Variants in ZMAT4 observed in about 807,000 individuals in gnomAD.
ZMAT4 encodes zinc finger matrin-type 4.
A neutral mutation model predicts 28.7 loss-of-function variants in ZMAT4; 17 were observed. That is an observed-to-expected ratio of 0.59 (90% CI 0.41 to 0.89). The LOEUF (loss-of-function observed/expected upper bound fraction) is 0.89, where lower values mean the gene tolerates loss of function less well. Ranked by LOEUF, ZMAT4 falls within the 40% of genes least tolerant of loss-of-function variation. The pLI, the probability that ZMAT4 is intolerant of heterozygous loss-of-function variation, is 0.00. For synonymous variants in ZMAT4, 117 were observed against 109.2 expected, an observed-to-expected ratio of 1.07 and a Z score of -0.44; for missense variants, 240 against 283.8, an observed-to-expected ratio of 0.85 and a Z score of 1.11.
chr8:40,766,153 C>T (rs1333842927), intron 3 of ZMAT4, among the ~76,000 whole-genome samples: 1 of 152,210 alleles, frequency 6.6e-6, no homozygotes, highest in Non-Finnish European at 1.5e-5. Flanking sequence ...GAGCACCTTC[C>T]CTGACCAGAG....
At chr8:40,636,639 A>G (rs192663292) in intron 5 of ZMAT4, among the ~76,000 whole-genome samples, 2 of 152,338 alleles carry the variant, frequency 1.3e-5, no homozygotes, top group Non-Finnish European at 2.9e-5. Context: ...ATCACCACTG[A>G]CAGAGCCTAG....
At chr8:40,639,014 C>G (rs1806900815) in intron 5 of ZMAT4, among the ~76,000 whole-genome samples, 1 of 152,254 alleles carries the variant, frequency 6.6e-6, no homozygotes, top group African/African-American at 2.4e-5. Flanking sequence ...ATACTACCCT[C>G]TGTGCTGGCG....
At chr8:40,714,909 C>A (rs993378329) in intron 3 of ZMAT4, among the ~76,000 whole-genome samples, 1 of 151,734 alleles carries the variant, frequency 6.6e-6, no homozygotes, top group East Asian at 1.9e-4. Flanking sequence ...ATTAGCCAGG[C>A]GTGGTGGCAC....
intron 1 of ZMAT4, among the ~76,000 whole-genome samples, chr8:40,896,829 G>A (rs1563273426): frequency 6.6e-6 from 1 of 152,070 alleles, no homozygotes; most frequent in East Asian, 1.9e-4. Flanking sequence ...AACAACCTGC[G>A]CACCTACACG....
rs536316426 is a variant in ZMAT4, at chr8:40,601,625, A to G, written c.578-20364T>C. 4.7e-4 allele frequency among the ~76,000 whole-genome samples: 12 copies of G among 25,690 alleles called. 1 individual carries two copies. Among genetic ancestry groups the G allele is most frequent in the African/African-American group, 1.1e-3 (11 of 9,952 alleles). The allele number at this position is 25,690 out of a possible 152,430, so 16.9% of individuals were successfully genotyped here. ...AAGAAAGAAAGAAAGAAAGAAAGAA[A>G]GAAAGAAAGAGAAAGAAAGAAAGAA... is the stretch of plus-strand genomic sequence containing the variant. On this transcript the variant is annotated intron_variant, in intron 5 of 6. Transcript: ENST00000297737.
chr8:40,602,133 A>T (rs1185787716), intron 5 of ZMAT4, among the ~76,000 whole-genome samples: 2 of 152,140 alleles, frequency 1.3e-5, no homozygotes, highest in Non-Finnish European at 2.9e-5. Flanking sequence ...TCCATTCCTG[A>T]ATTACTTCAC....
intron 1 of ZMAT4, among the ~76,000 whole-genome samples, chr8:40,861,438 G>C (rs937823056): frequency 6.6e-6 from 1 of 152,186 alleles, no homozygotes; most frequent in Non-Finnish European, 1.5e-5. Context: ...ATGGATTAAA[G>C]ACTTAAATGT....
At chr8:40,789,708 A>G (rs1339404406) in intron 2 of ZMAT4, among the ~76,000 whole-genome samples, 1 of 152,146 alleles carries the variant, frequency 6.6e-6, no homozygotes, top group Non-Finnish European at 1.5e-5. Flanking sequence ...TACCCACAAA[A>G]ATTAAAAATT....
intron 6 of ZMAT4, among the ~76,000 whole-genome samples, chr8:40,541,991 GT>G (rs1803048809): frequency 6.6e-6 from 1 of 152,244 alleles, no homozygotes; most frequent in Non-Finnish European, 1.5e-5. Context: ...CTCGGGCAGA[GT>G]GGGACTGAAG....
At chr8:40,818,191 C>T (rs1815617948) in intron 2 of ZMAT4, among the ~76,000 whole-genome samples, 1 of 152,164 alleles carries the variant, frequency 6.6e-6, no homozygotes, top group Non-Finnish European at 1.5e-5. Context: ...ACTTTGTGTT[C>T]CAGTGAACTA....
At chr8:40,649,964 G>A (rs1414188677) in intron 5 of ZMAT4, among the ~76,000 whole-genome samples, 1 of 151,722 alleles carries the variant, frequency 6.6e-6, no homozygotes, top group Non-Finnish European at 1.5e-5. Flanking sequence ...ATGCCCACAG[G>A]AGAAAGCAGG....
At chr8:40,614,167 T>C (rs1296772128) in intron 5 of ZMAT4, among the ~76,000 whole-genome samples, 2 of 152,158 alleles carry the variant, frequency 1.3e-5, no homozygotes, top group Non-Finnish European at 2.9e-5. Context: ...CTGCCCTGGG[T>C]TTGCACCTTG....
intron 3 of ZMAT4, among the ~76,000 whole-genome samples, chr8:40,744,204 A>AT: frequency 6.6e-6 from 1 of 152,272 alleles, no homozygotes; most frequent in East Asian, 1.9e-4. Flanking sequence ...CCTGGGAAGC[A>AT]GAAGAGACTG....
chr8:40,808,504 C>T (rs749170403), intron 2 of ZMAT4: 3 of 454,514 alleles, frequency 6.6e-6, no homozygotes, highest in Non-Finnish European at 1.3e-5. Context: ...AAGCTGAAAA[C>T]TCACCTTGAC....
intron 5 of ZMAT4, 49 bp from the exon 6 acceptor site, chr8:40,581,310 C>T: frequency 6.7e-7 from 1 of 1,498,944 alleles, no homozygotes; most frequent in Non-Finnish European, 9.3e-7. Flanking sequence ...CGTCAACCAC[C>T]TGAAATGAAT....
chr8:40,717,744 A>T (rs1185754944), intron 3 of ZMAT4, among the ~76,000 whole-genome samples: 2 of 152,338 alleles, frequency 1.3e-5, no homozygotes, highest in East Asian at 1.9e-4. Context: ...ATATTTCTTG[A>T]AAAAATACAT....
intron 1 of ZMAT4, among the ~76,000 whole-genome samples, chr8:40,876,008 A>G (rs1469689100): frequency 1.3e-5 from 2 of 152,200 alleles, no homozygotes; most frequent in Admixed American, 1.3e-4. Flanking sequence ...AGCACCACAG[A>G]AGAGGAAATG....
intron 3 of ZMAT4, among the ~76,000 whole-genome samples, chr8:40,712,520 G>A (rs564036446): frequency 2.6e-5 from 4 of 152,092 alleles, no homozygotes; most frequent in Non-Finnish European, 4.4e-5. Flanking sequence ...ACATTGTTTC[G>A]CCATCTTTCT....
chr8:40,532,414 TAA>T (rs4038741), intron 6 of ZMAT4, among the ~76,000 whole-genome samples, 176 bp from the exon 7 acceptor site: 121,343 of 151,824 alleles, frequency 0.8, 49,030 homozygotes, highest in East Asian at 0.99. Flanking sequence ...CCTGTATATA[TAA>T]AATATCTCCA....
Sources: gnomAD v4.1 joint callset for allele counts (sites outside exome capture counted in the v4.1 genomes callset) on GRCh38, gnomAD v4.1.1 for gene constraint, MANE v1.5 for transcripts, NCBI Gene and HGNC (gene_info 2026-07-23, HGNC 2026-07-21) for gene names.